ZNF540: variants seen among roughly 807,000 people sequenced by gnomAD.
The protein encoded by ZNF540 is zinc finger protein 540, also known as CTD-3064H18.6.
In ZNF540, 3 loss-of-function variants were observed where a neutral mutation model predicts 11.8. The ratio of observed to expected loss-of-function variants is 0.25; its 90% CI spans 0.12 to 0.65. The LOEUF is 0.65. ZNF540 is among the 30% of genes least tolerant of loss of function. The pLI is 0.83. For synonymous variants in ZNF540, 247 were observed against 259.0 expected, an observed-to-expected ratio of 0.95 and a Z score of 0.45; for missense variants, 709 against 793.1, an observed-to-expected ratio of 0.89 and a Z score of 1.27.
At chr19:37,556,628 A>AAC (rs1222537722) in intron 1 of ZNF540, among the ~76,000 whole-genome samples, 1 of 152,176 alleles carries the variant, frequency 6.6e-6, no homozygotes, top group Non-Finnish European at 1.5e-5. Context: ...GGGTTCCTTG[A>AAC]ACAAGTGGCA....
At chr19:37,609,276 G>A (rs1183416865) in intron 4 of ZNF540, among the ~76,000 whole-genome samples, 8 of 152,184 alleles carry the variant, frequency 5.3e-5, no homozygotes, top group Non-Finnish European at 1.0e-4. Context: ...GGGCACGGTG[G>A]CTAACGCCTG....
Position 37,612,855 on chromosome 19 carries a change from TAAAG to T in ZNF540, c.1578_1581del (p.Lys526AsnfsTer16). The T allele has an allele frequency of 1.2e-6, 2 of 1,614,082 alleles. No individual in the cohort carries two copies. Among genetic ancestry groups the T allele is most frequent in the East Asian group, 4.5e-5 (2 of 44,884 alleles). On this transcript the variant is annotated frameshift_variant, in exon 5 of 5. Transcript: ENST00000316433. LOFTEE classifies it low-confidence loss of function (END_TRUNC). ...ACACTGGTGAAAAGCCCTATAAATG[TAAAG>T]AATGTGGAAAGGCCTTTATTCGTAG...
chr19:37,588,998 A>G (rs2043779170), intron 1 of ZNF540, among the ~76,000 whole-genome samples: 1 of 152,052 alleles, frequency 6.6e-6, no homozygotes, highest in Non-Finnish European at 1.5e-5. Flanking sequence ...TCAGCAGTTC[A>G]CCGTCAGCCT....
In ZNF540 at chr19:37,613,251, TAATGTA is replaced by T; in HGVS notation, c.1973_1978del (p.Asn658_Val659del). ...ATCTTTATCAACATCAGAAAACTCA[TAATGTA>T]ATTTAATATAAGAAAAGGTTTCCAT... On this transcript the variant is annotated inframe_deletion, in exon 5 of 5. Coordinates refer to ENST00000316433, the MANE Select transcript of ZNF540 (RefSeq NM_001172225.3). 1 of 1,492,614 alleles carries T rather than the reference TAATGTA, an allele frequency of 6.7e-7. No individual in the cohort carries two copies. The highest frequency in any genetic ancestry group is 2.3e-5 in the East Asian group (1 of 43,824). 92.5% of individuals were successfully genotyped at this position (1,492,614 alleles called of 1,614,324 possible). A position where few individuals can be genotyped will look rare whatever the true frequency, so the allele number is the denominator to read the frequency against.
intron 1 of ZNF540, among the ~76,000 whole-genome samples, chr19:37,581,973 A>C (rs980373253): frequency 5.9e-5 from 9 of 152,048 alleles, no homozygotes; most frequent in African/African-American, 2.2e-4. Flanking sequence ...TTTCCTTCCT[A>C]AATTTGTTCC....
Position 37,613,182 on chromosome 19 carries a change from CTA to C in ZNF540, c.1904_1905del (p.Tyr635Ter). Reference protein sequence around the residue: ...HQRIHTGEKPYECKVCRKAFR... With the variant: ...HQRIHTGEKPXECKVCRKAFR... ...AGAGAATTCACACTGGTGAGAAACC[CTA>C]TGAGTGTAAGGTATGTAGAAAGGCC... On this transcript the variant is annotated frameshift_variant, in exon 5 of 5. Coordinates refer to ENST00000316433, the MANE Select transcript of ZNF540 (RefSeq NM_001172225.3). LOFTEE classifies it low-confidence loss of function (END_TRUNC). 6.2e-7 allele frequency: 1 copy of C among 1,612,760 alleles called. No individual in the cohort carries two copies.
intron 1 of ZNF540, among the ~76,000 whole-genome samples, chr19:37,552,877 G>A (rs2042620473): frequency 6.6e-6 from 1 of 152,058 alleles, no homozygotes; most frequent in Admixed American, 6.6e-5. Context: ...AACTCGGGAG[G>A]TAGAGGTTGC....
chr19:37,574,266 T>C (rs1280773005), intron 1 of ZNF540, among the ~76,000 whole-genome samples: 1 of 152,212 alleles, frequency 6.6e-6, no homozygotes, highest in Non-Finnish European at 1.5e-5. Flanking sequence ...CTTTAAATCA[T>C]GCTTATTGTC....
chr19:37,560,047 C>G (rs2042700578), intron 1 of ZNF540, among the ~76,000 whole-genome samples: 1 of 152,180 alleles, frequency 6.6e-6, no homozygotes, highest in South Asian at 2.1e-4. Context: ...GAGGCCAAGG[C>G]GAGTGGATCA....
intron 1 of ZNF540, among the ~76,000 whole-genome samples, chr19:37,578,436 TCCCA>T (rs2043323332): frequency 6.6e-6 from 1 of 151,902 alleles, no homozygotes; most frequent in Non-Finnish European, 1.5e-5. Flanking sequence ...AACCCCCAAC[TCCCA>T]TCCCTGGGCC....
intron 1 of ZNF540, among the ~76,000 whole-genome samples, chr19:37,574,455 A>G (rs918893339): frequency 1.2e-4 from 18 of 152,194 alleles, no homozygotes; most frequent in Admixed American, 5.2e-4. Context: ...TATTATTCCC[A>G]TAACTATTCC....
intron 1 of ZNF540, among the ~76,000 whole-genome samples, chr19:37,581,104 G>T (rs2043441083): frequency 6.6e-6 from 1 of 152,010 alleles, no homozygotes; most frequent in South Asian, 2.1e-4. Flanking sequence ...AAAGAACACT[G>T]AAGCCTTAAA....
chr19:37,564,882 G>A (rs1178756072), intron 1 of ZNF540: 1 of 1,614,010 alleles, frequency 6.2e-7, no homozygotes, highest in Non-Finnish European at 8.5e-7. Context: ...TCACTAAGTT[G>A]TGAGCCATAA....
At chr19:37,572,408 C>G (rs555614808) in intron 1 of ZNF540, among the ~76,000 whole-genome samples, 1 of 152,300 alleles carries the variant, frequency 6.6e-6, no homozygotes, top group East Asian at 1.9e-4. Flanking sequence ...CACCATCCTA[C>G]TCCATCTTGC....
In ZNF540 at chr19:37,584,393, T is replaced by C. The variant is rs112711784; in HGVS notation, c.-72-13983T>C. Among the ~76,000 whole-genome samples, 485 of 152,328 alleles carry C rather than the reference T, an allele frequency of 3.2e-3. 3 individuals are homozygous for C. Among genetic ancestry groups the C allele is most frequent in the African/African-American group, 0.011 (457 of 41,564 alleles). On this transcript the variant is annotated intron_variant, in intron 1 of 4. Transcript: ENST00000592533. ...GCGTTTTCTTCACAACAGGTTTTAATTGCACAGCAGATAAGGCTTCCAAAT... is the reference window on the plus strand; with the variant it reads ...GCGTTTTCTTCACAACAGGTTTTAACTGCACAGCAGATAAGGCTTCCAAAT...
intron 4 of ZNF540, among the ~76,000 whole-genome samples, chr19:37,610,302 G>A (rs994447505): frequency 2.0e-5 from 3 of 152,158 alleles, no homozygotes; most frequent in African/African-American, 7.2e-5. Context: ...GTTGTTTAAT[G>A]CCTGCTGTAT....
chr19:37,576,046 C>T (rs1036309293), intron 1 of ZNF540, among the ~76,000 whole-genome samples: 10 of 151,734 alleles, frequency 6.6e-5, no homozygotes, highest in African/African-American at 2.4e-4. Flanking sequence ...CATGCATACA[C>T]ACACACACAC....
At chr19:37,597,223 G>A (rs2044003216) in intron 1 of ZNF540, among the ~76,000 whole-genome samples, 1 of 151,924 alleles carries the variant, frequency 6.6e-6, no homozygotes, top group South Asian at 2.1e-4. Context: ...TTTGGGTACT[G>A]AGGGAGAAGG....
At chr19:37,556,026 T>A (rs1291776639) in intron 1 of ZNF540, 2 of 702,380 alleles carry the variant, frequency 2.8e-6, no homozygotes, top group East Asian at 5.4e-5. Flanking sequence ...GTCAACATTT[T>A]GGAGTCCTTT....
Sources: allele counts gnomAD v4.1 joint callset (sites outside exome capture counted in the v4.1 genomes callset), GRCh38; gene constraint gnomAD v4.1.1; transcripts MANE v1.5; gene names NCBI Gene and HGNC (gene_info 2026-07-23, HGNC 2026-07-21).